Variants in LRP1B observed in about 807,000 individuals in gnomAD.
LRP1B encodes LDL receptor related protein 1B.
In LRP1B, 217 loss-of-function variants were observed where a neutral mutation model predicts 556.6. The observed-to-expected ratio is 0.39, with a 90% CI of 0.35 to 0.44. The LOEUF (loss-of-function observed/expected upper bound fraction) is 0.44, where lower values mean the gene tolerates loss of function less well. Among genes scored for constraint, LRP1B ranks in the 20% least tolerant of loss-of-function variants. The pLI, the probability that LRP1B is intolerant of heterozygous loss-of-function variation, is 1.00. For synonymous variants in LRP1B, 2,047 were observed against 1,865.8 expected, an observed-to-expected ratio of 1.10 and a Z score of -2.50; for missense variants, 5,053 against 5,620.8, an observed-to-expected ratio of 0.90 and a Z score of 3.23.
intron 35 of LRP1B, among the ~76,000 whole-genome samples, chr2:140,762,426 A>G (rs1227609923): frequency 6.6e-6 from 1 of 152,150 alleles, no homozygotes; most frequent in African/African-American, 2.4e-5. Context: ...AAAGTTTCCT[A>G]ACTTTACTCC....
intron 1 of LRP1B, among the ~76,000 whole-genome samples, chr2:142,102,845 T>C (rs1362905917): frequency 6.6e-6 from 1 of 151,892 alleles, no homozygotes; most frequent in Non-Finnish European, 1.5e-5. Context: ...AAGCTAAAAA[T>C]CTTACCTTTT....
chr2:141,497,812 A>G (rs926442749), intron 2 of LRP1B, among the ~76,000 whole-genome samples: 1 of 152,080 alleles, frequency 6.6e-6, no homozygotes, highest in Non-Finnish European at 1.5e-5. Context: ...ATGAAAAATT[A>G]CATTTATTTT....
chr2:141,224,325 T>C (rs1573677292), intron 6 of LRP1B, among the ~76,000 whole-genome samples: 1 of 152,074 alleles, frequency 6.6e-6, no homozygotes, highest in African/African-American at 2.4e-5. Flanking sequence ...ATAGTGATTA[T>C]CAAAAGTCAA....
At chr2:141,982,667 A>T (rs1702075946) in intron 1 of LRP1B, among the ~76,000 whole-genome samples, 1 of 152,250 alleles carries the variant, frequency 6.6e-6, no homozygotes, top group African/African-American at 2.4e-5. Flanking sequence ...AAACACTTGT[A>T]CTTTAACCTA....
chr2:140,653,963 T>A (rs1684778362), intron 41 of LRP1B, among the ~76,000 whole-genome samples: 1 of 134,170 alleles, frequency 7.5e-6, no homozygotes, highest in East Asian at 2.2e-4. Flanking sequence ...AGGTGGAGGT[T>A]GCAATGAGCC....
Position 140,653,795 on chromosome 2 carries a change from C to T in LRP1B, c.6799+46455G>A, listed in dbSNP as rs531867400. Among the ~76,000 whole-genome samples the T allele has an allele frequency of 4.0e-5, 6 of 151,798 alleles. No homozygotes were observed. In the East Asian group the frequency reaches 9.7e-4, roughly 25 times the overall value. On this transcript the variant is annotated intron_variant, in intron 41 of 90. Transcript: ENST00000389484. ...ATCCCAGAACTTTGGGAGGCTGAGGCGGGTGGATCACCTGAGGTCAGAAGT... is the reference window on the plus strand; with the variant it reads ...ATCCCAGAACTTTGGGAGGCTGAGGTGGGTGGATCACCTGAGGTCAGAAGT...
chr2:140,971,833 C>CA lies in LRP1B; in HGVS notation c.2887+10326dup, dbSNP rs202099705. ...TGGGTGACAGAGAGAGACTCCGTCT[C>CA]AAAAAAAAATTAGAATCACATGAGA... On this transcript the variant is annotated intron_variant, in intron 18 of 90. Coordinates refer to ENST00000389484, the MANE Select transcript of LRP1B (RefSeq NM_018557.3). Among the ~76,000 whole-genome samples the CA allele has an allele frequency of 3.3e-5, 5 of 150,996 alleles. No homozygotes were observed. The South Asian group carries it at 6.3e-4, about 19-fold the overall frequency.
intron 18 of LRP1B, among the ~76,000 whole-genome samples, chr2:140,958,997 G>GA (rs774536074): frequency 2.4e-4 from 36 of 150,492 alleles, no homozygotes; most frequent in Middle Eastern, 3.5e-3. Context: ...GAAGGAGAAG[G>GA]ACAGCAGTGT....
At chr2:141,966,102 G>A (rs1701558479) in intron 1 of LRP1B, among the ~76,000 whole-genome samples, 1 of 151,710 alleles carries the variant, frequency 6.6e-6, no homozygotes, top group South Asian at 2.1e-4. Context: ...GGTAAAGAGA[G>A]GTATTAGATT....
intron 2 of LRP1B, among the ~76,000 whole-genome samples, chr2:141,757,729 G>A (rs1457438890): frequency 6.6e-6 from 1 of 151,788 alleles, no homozygotes; most frequent in Non-Finnish European, 1.5e-5. Context: ...AGAGATGGGG[G>A]TCTCACTACA....
At chr2:140,816,805 T>G (rs995210669) in intron 31 of LRP1B, among the ~76,000 whole-genome samples, 4 of 152,114 alleles carry the variant, frequency 2.6e-5, no homozygotes, top group African/African-American at 9.7e-5. Context: ...TAGATATATA[T>G]AGAAGTATAA....
intron 20 of LRP1B, among the ~76,000 whole-genome samples, chr2:140,932,808 T>C (rs910969794): frequency 2.7e-5 from 4 of 150,454 alleles, no homozygotes; most frequent in Non-Finnish European, 5.9e-5. Flanking sequence ...GAGTTCAGTT[T>C]TAGGTTTCAG....
chr2:140,910,764 A>C (rs985242046), intron 21 of LRP1B, among the ~76,000 whole-genome samples: 1 of 151,850 alleles, frequency 6.6e-6, no homozygotes, highest in Non-Finnish European at 1.5e-5. Flanking sequence ...ACTCTATTAG[A>C]TAAAGATCAA....
At chr2:141,746,388 G>A (rs113119387) in intron 2 of LRP1B, among the ~76,000 whole-genome samples, 5 of 152,252 alleles carry the variant, frequency 3.3e-5, no homozygotes, top group African/African-American at 1.2e-4. Flanking sequence ...GATGGGTGCT[G>A]GCTGAGTTCA....
intron 6 of LRP1B, among the ~76,000 whole-genome samples, chr2:141,214,581 TACTA>T (rs1288979210): frequency 6.6e-6 from 1 of 152,208 alleles, no homozygotes; most frequent in Non-Finnish European, 1.5e-5. Context: ...AGTGATCCTG[TACTA>T]ACATTAATTT....
At chr2:141,610,323 A>ATTATTAGT (rs143503631) in intron 2 of LRP1B, among the ~76,000 whole-genome samples, 1 of 122,708 alleles carries the variant, frequency 8.1e-6, no homozygotes, top group Non-Finnish European at 1.6e-5. Flanking sequence ...CTTAAAGTAT[A>ATTATTAGT]ATAATAATAA....
At chr2:142,062,862 C>G (rs1704972351) in intron 1 of LRP1B, among the ~76,000 whole-genome samples, 1 of 151,570 alleles carries the variant, frequency 6.6e-6, no homozygotes, top group African/African-American at 2.4e-5. Context: ...ATTATGGGAA[C>G]TGCTCAATAT....
At chr2:141,869,216 G>A (rs1027217743) in intron 1 of LRP1B, among the ~76,000 whole-genome samples, 5 of 152,054 alleles carry the variant, frequency 3.3e-5, no homozygotes, top group African/African-American at 1.2e-4. Context: ...CACAAGTCAT[G>A]TGTAGCTATT....
intron 27 of LRP1B, among the ~76,000 whole-genome samples, chr2:140,858,124 A>G (rs1024776636): frequency 2.2e-4 from 33 of 152,296 alleles, no homozygotes; most frequent in African/African-American, 7.9e-4. Flanking sequence ...TACTGTTGGC[A>G]TCTTAGTGAA....
Sources: allele counts gnomAD v4.1 joint callset (sites outside exome capture counted in the v4.1 genomes callset), GRCh38; gene constraint gnomAD v4.1.1; transcripts MANE v1.5; gene names NCBI Gene and HGNC (gene_info 2026-07-23, HGNC 2026-07-21).